LPAR1: variants seen among roughly 807,000 people sequenced by gnomAD.
LPAR1 encodes the protein LPA receptor 1.
In LPAR1, 5 loss-of-function variants were observed where a neutral mutation model predicts 23.8. The ratio of observed to expected loss-of-function variants is 0.21; its 90% CI spans 0.11 to 0.44. The LOEUF (loss-of-function observed/expected upper bound fraction) is 0.44. Among genes scored for constraint, LPAR1 ranks in the 20% least tolerant of loss-of-function variants. The probability of loss-of-function intolerance (pLI) is 0.99; values close to 1 mark genes in which losing one functional copy is unlikely to be tolerated. For missense variants in LPAR1, 311 were observed against 482.8 expected (o/e 0.64, Z 3.33); for synonymous variants, 160 against 164.7 (o/e 0.97, Z 0.22).
chr9:110,987,300 G>A (rs73657220), intron 2 of LPAR1, among the ~76,000 whole-genome samples: 6,064 of 150,576 alleles, frequency 0.04, 390 homozygotes, highest in African/African-American at 0.13. Flanking sequence ...CAATTATTAT[G>A]TTTATTCTAT....
At chr9:111,011,873 G>A (rs887423987) in intron 2 of LPAR1, among the ~76,000 whole-genome samples, 7 of 152,266 alleles carry the variant, frequency 4.6e-5, no homozygotes, top group East Asian at 1.9e-4. Flanking sequence ...TGCTGCTACC[G>A]TGAGATGGAA....
chr9:110,911,364 T>G (rs544636699), intron 5 of LPAR1, among the ~76,000 whole-genome samples: 1 of 152,000 alleles, frequency 6.6e-6, no homozygotes, highest in Non-Finnish European at 1.5e-5. Flanking sequence ...CTGGGCAACA[T>G]AGCGAGATGT....
chr9:110,944,677 A>G (rs1462313377), intron 4 of LPAR1, among the ~76,000 whole-genome samples: 3 of 152,198 alleles, frequency 2.0e-5, no homozygotes, highest in Non-Finnish European at 4.4e-5. Context: ...TAAGAAGTAT[A>G]AATTATCTCT....
chr9:111,030,684 C>T (rs1302434877), intron 2 of LPAR1, among the ~76,000 whole-genome samples: 1 of 152,154 alleles, frequency 6.6e-6, no homozygotes. Flanking sequence ...TTTTTGTCGT[C>T]TTGGTTGTCA....
intron 5 of LPAR1, among the ~76,000 whole-genome samples, chr9:110,885,356 A>G (rs2082087802): frequency 6.6e-6 from 1 of 152,212 alleles, no homozygotes; most frequent in Non-Finnish European, 1.5e-5. Flanking sequence ...AAGAACTGCC[A>G]CCAAAGTCAG....
At chr9:110,956,460 G>C (rs11534221) in intron 4 of LPAR1, among the ~76,000 whole-genome samples, 26,507 of 151,258 alleles carry the variant, frequency 0.18, 3,126 homozygotes, top group East Asian at 0.6. Context: ...GAAAGATTAG[G>C]GCAAAACTAA....
At chr9:110,968,209 T>G (rs2096282378) in intron 4 of LPAR1, among the ~76,000 whole-genome samples, 2 of 152,176 alleles carry the variant, frequency 1.3e-5, no homozygotes, top group Admixed American at 6.5e-5. Context: ...CCTAACCCAT[T>G]TATGCTAATT....
chr9:110,972,141 T>G lies in LPAR1; in HGVS notation c.-24A>C. 1 of 1,612,014 alleles carries G rather than the reference T, an allele frequency of 6.2e-7. No individual in the cohort carries two copies. Among genetic ancestry groups the G allele is most frequent in the East Asian group, 2.2e-5 (1 of 44,848 alleles). On this transcript the variant is annotated 5_prime_UTR_variant, in exon 4 of 6. Transcript: ENST00000683809. ...ATGACAGCTCTGTGGTTGTAGGTGG[T>G]GAACACGCCCCAGAACTACGGGAGA...
chr9:111,027,138 T>C (rs957253202), intron 2 of LPAR1, among the ~76,000 whole-genome samples: 4 of 152,204 alleles, frequency 2.6e-5, no homozygotes, highest in African/African-American at 9.6e-5. Flanking sequence ...TGGAATGCAG[T>C]TGTGAATCTG....
chr9:110,899,480 T>C (rs1418166547), intron 5 of LPAR1, among the ~76,000 whole-genome samples: 1 of 152,116 alleles, frequency 6.6e-6, no homozygotes, highest in Non-Finnish European at 1.5e-5. Context: ...GACTAGAAAC[T>C]GAAGCTGGGA....
intron 4 of LPAR1, among the ~76,000 whole-genome samples, chr9:110,967,955 G>A (rs989235572): frequency 2.0e-5 from 3 of 152,098 alleles, no homozygotes; most frequent in Non-Finnish European, 2.9e-5. Flanking sequence ...CTCCTTCCCC[G>A]TGGGCTTAGT....
chr9:110,904,742 T>A (rs942452389), intron 5 of LPAR1, among the ~76,000 whole-genome samples: 3 of 152,160 alleles, frequency 2.0e-5, no homozygotes, highest in African/African-American at 7.2e-5. Flanking sequence ...GCTGGAGAAG[T>A]AGGTCTGGCA....
intron 4 of LPAR1, among the ~76,000 whole-genome samples, chr9:110,965,367 A>G (rs190817388): frequency 1.3e-5 from 2 of 152,330 alleles, no homozygotes; most frequent in East Asian, 3.9e-4. Context: ...AAAATTTTGC[A>G]ATCTATCCAT....
intron 4 of LPAR1, among the ~76,000 whole-genome samples, chr9:110,958,641 C>T (rs371976675): frequency 4.6e-5 from 7 of 152,092 alleles, no homozygotes; most frequent in South Asian, 2.1e-4. Flanking sequence ...GGAAACACTT[C>T]GGGGCACTGA....
intron 4 of LPAR1, among the ~76,000 whole-genome samples, chr9:110,962,602 G>A (rs1336622009): frequency 6.6e-6 from 1 of 152,182 alleles, no homozygotes; most frequent in Non-Finnish European, 1.5e-5. Context: ...ATCATTGAAA[G>A]TTGCTTTATT....
intron 2 of LPAR1, among the ~76,000 whole-genome samples, chr9:111,025,564 G>C (rs986745661): frequency 3.3e-5 from 5 of 152,178 alleles, no homozygotes; most frequent in Admixed American, 2.6e-4. Context: ...GATCCCACTT[G>C]TCAATTTTGG....
intron 5 of LPAR1, among the ~76,000 whole-genome samples, chr9:110,886,171 C>T (rs1426797254): frequency 6.7e-6 from 1 of 148,818 alleles, no homozygotes; most frequent in African/African-American, 2.5e-5. Flanking sequence ...GCACTCCAGC[C>T]GGAGCAACAA....
intron 2 of LPAR1, among the ~76,000 whole-genome samples, chr9:111,020,160 GGT>G (rs2097536488): frequency 6.6e-6 from 1 of 152,112 alleles, no homozygotes; most frequent in African/African-American, 2.4e-5. Context: ...CTACACTGGG[GGT>G]TAGGGCTCCA....
rs2095305942 is a variant in LPAR1 at position 110,944,589 on chromosome 9, A to C, written c.46-2421T>G. On this transcript the variant is annotated intron_variant, in intron 4 of 5. Coordinates refer to ENST00000683809, the MANE Select transcript of LPAR1 (RefSeq NM_001351411.2). ...TTCCAACTTCTGAACACCAAGTAGC[A>C]ACAAAGTTAAGCAGAGATATATGCA... Among the ~76,000 whole-genome samples the C allele has an allele frequency of 7.9e-5, 12 of 152,216 alleles. 1 individual carries two copies. In the South Asian group the frequency reaches 2.3e-3, roughly 29 times the overall value.
Sources: gnomAD v4.1 joint callset for allele counts (sites outside exome capture counted in the v4.1 genomes callset) on GRCh38, gnomAD v4.1.1 for gene constraint, MANE v1.5 for transcripts, NCBI Gene and HGNC (gene_info 2026-07-23, HGNC 2026-07-21) for gene names.